Variants in SHISA9 observed in about 807,000 individuals in gnomAD.
SHISA9 encodes the protein protein shisa-9.
In SHISA9, 13 loss-of-function variants were observed where a neutral mutation model predicts 38.0. The observed-to-expected ratio is 0.34, with a 90% CI of 0.22 to 0.54. The LOEUF (loss-of-function observed/expected upper bound fraction) is 0.54. Among genes scored for constraint, SHISA9 ranks in the 20% least tolerant of loss-of-function variants. SHISA9 has a pLI of 0.91. For synonymous variants in SHISA9, 275 were observed against 242.0 expected, an observed-to-expected ratio of 1.14 and a Z score of -1.27; for missense variants, 538 against 575.8, an observed-to-expected ratio of 0.93 and a Z score of 0.67.
intron 2 of SHISA9, among the ~76,000 whole-genome samples, chr16:13,197,362 G>A (rs1171803201): frequency 6.6e-6 from 1 of 152,034 alleles, no homozygotes; most frequent in Admixed American, 6.6e-5. Context: ...GTTAATATTT[G>A]TCTCTTCTGC....
At chr16:13,551,207 C>T in the SHISA9 span, among the ~76,000 whole-genome samples, 14 of 152,160 alleles carry the variant, frequency 9.2e-5, no homozygotes, top group Admixed American at 3.9e-4. Flanking sequence ...CAGACACACA[C>T]GTACACACAT....
chr16:13,284,355 C>T, the SHISA9 span, among the ~76,000 whole-genome samples: 1 of 152,104 alleles, frequency 6.6e-6, no homozygotes, highest in African/African-American at 2.4e-5. Flanking sequence ...AGCCCAGTAC[C>T]AGTTACCCTT....
chr16:13,069,837 G>A (rs543563948), intron 2 of SHISA9, among the ~76,000 whole-genome samples: 1 of 152,260 alleles, frequency 6.6e-6, no homozygotes, highest in South Asian at 2.1e-4. Context: ...GTCCCAGAGA[G>A]ATCCCTTGGC....
At chr16:13,437,671 C>T in the SHISA9 span, among the ~76,000 whole-genome samples, 1 of 152,112 alleles carries the variant, frequency 6.6e-6, no homozygotes, top group African/African-American at 2.4e-5. Flanking sequence ...AACTCCCCCA[C>T]TGAATTCTGG....
chr16:12,916,011 G>GGTTTTTTTTTT (rs774277866), intron 1 of SHISA9, among the ~76,000 whole-genome samples: 3 of 90,432 alleles, frequency 3.3e-5, no homozygotes, highest in Non-Finnish European at 6.3e-5. Context: ...GTGTGTGTGT[G>GGTTTTTTTTTT]TTTTTTTTTT....
the SHISA9 span, among the ~76,000 whole-genome samples, chr16:13,307,187 T>C: frequency 2.6e-5 from 4 of 152,204 alleles, no homozygotes; most frequent in Non-Finnish European, 5.9e-5. Flanking sequence ...TAATAGCACT[T>C]ACATATCCCA....
chr16:13,053,826 T>G (rs1480595296), intron 2 of SHISA9, among the ~76,000 whole-genome samples: 6 of 152,236 alleles, frequency 3.9e-5, no homozygotes, highest in Non-Finnish European at 7.3e-5. Flanking sequence ...ATAGTTTTTC[T>G]GTAATAACTC....
chr16:13,133,346 A>G (rs553467368), intron 2 of SHISA9, among the ~76,000 whole-genome samples: 6 of 152,322 alleles, frequency 3.9e-5, no homozygotes, highest in African/African-American at 1.4e-4. Flanking sequence ...CTCACAAGGA[A>G]TGTCCATAAT....
intron 2 of SHISA9, among the ~76,000 whole-genome samples, chr16:13,092,507 C>T (rs1737030329): frequency 6.6e-6 from 1 of 152,224 alleles, no homozygotes; most frequent in Non-Finnish European, 1.5e-5. Flanking sequence ...ACTTTGTTTA[C>T]CTACTCAAGC....
chr16:13,480,380 C>T, the SHISA9 span, among the ~76,000 whole-genome samples: 5 of 152,094 alleles, frequency 3.3e-5, no homozygotes, highest in Admixed American at 6.5e-5. Context: ...CTCCAGGCCT[C>T]GGTCACTCTT....
At position 12,990,130 on chromosome 16, in the gene SHISA9, C is replaced by T. The variant is rs548902545; in HGVS notation, c.691+73315C>T. 2.3e-3 allele frequency among the ~76,000 whole-genome samples: 352 copies of T among 152,314 alleles called. 2 individuals are homozygous for T. Among genetic ancestry groups the T allele is most frequent in the African/African-American group, 7.8e-3 (323 of 41,562 alleles). ...TGATCTCATTTCTTTTTTATGGCTGCACAGTATCCCATTGTGTACACATAC... is the reference window on the plus strand; with the variant it reads ...TGATCTCATTTCTTTTTTATGGCTGTACAGTATCCCATTGTGTACACATAC... On this transcript the variant is annotated intron_variant, in intron 2 of 4. Transcript: ENST00000558583.
the SHISA9 span, among the ~76,000 whole-genome samples, chr16:13,322,676 C>T: frequency 6.6e-6 from 1 of 152,170 alleles, no homozygotes; most frequent in South Asian, 2.1e-4. Context: ...CTTCCCTCAC[C>T]CACTCTCGCA....
chr16:13,480,971 A>C, the SHISA9 span, among the ~76,000 whole-genome samples: 3 of 152,358 alleles, frequency 2.0e-5, no homozygotes, highest in Non-Finnish European at 4.4e-5. Flanking sequence ...TGTGCTCAGC[A>C]TATAAACAAA....
At chr16:13,446,021 C>T in the SHISA9 span, among the ~76,000 whole-genome samples, 1 of 152,134 alleles carries the variant, frequency 6.6e-6, no homozygotes, top group Non-Finnish European at 1.5e-5. Context: ...CAGCTCACCG[C>T]AGCCTCCGAC....
chr16:13,217,872 A>G (rs2051185896), intron 4 of SHISA9, among the ~76,000 whole-genome samples: 1 of 152,104 alleles, frequency 6.6e-6, no homozygotes, highest in Non-Finnish European at 1.5e-5. Flanking sequence ...TCTACTAAAA[A>G]TTGAAAAATT....
intron 2 of SHISA9, among the ~76,000 whole-genome samples, chr16:13,190,226 C>T (rs1317053302): frequency 8.6e-6 from 1 of 116,398 alleles, no homozygotes; most frequent in Non-Finnish European, 2.1e-5. Context: ...GCTATCCCTC[C>T]CCCCTCCCCC....
At chr16:13,367,695 C>G in the SHISA9 span, among the ~76,000 whole-genome samples, 1 of 71,856 alleles carries the variant, frequency 1.4e-5, no homozygotes, top group African/African-American at 4.7e-5. Flanking sequence ...CACGCGTGTG[C>G]GTGCGCGCGC....
At chr16:13,351,711 A>T in the SHISA9 span, among the ~76,000 whole-genome samples, 1 of 152,206 alleles carries the variant, frequency 6.6e-6, no homozygotes, top group Non-Finnish European at 1.5e-5. Flanking sequence ...CTGTCTCTAT[A>T]TCTGCAAAGC....
chr16:13,497,606 A>G, the SHISA9 span, among the ~76,000 whole-genome samples: 1 of 147,948 alleles, frequency 6.8e-6, no homozygotes, highest in East Asian at 2.0e-4. Flanking sequence ...AATTGCTTGA[A>G]CCCGGCAGGT....
Sources: gnomAD v4.1 joint callset for allele counts (sites outside exome capture counted in the v4.1 genomes callset) on GRCh38, gnomAD v4.1.1 for gene constraint, MANE v1.5 for transcripts, NCBI Gene and HGNC (gene_info 2026-07-23, HGNC 2026-07-21) for gene names.